PSMD14: variants seen among roughly 807,000 people sequenced by gnomAD.
PSMD14 encodes ubiquitin C-terminal hydrolase PSMD14.
A neutral mutation model predicts 41.2 loss-of-function variants in PSMD14; 7 were observed. The observed-to-expected ratio is 0.17, with a 90% confidence interval of 0.10 to 0.32. The LOEUF is 0.32. PSMD14 is among the 10% of genes least tolerant of loss of function. The pLI is 1.00. For synonymous variants in PSMD14, 114 were observed against 122.3 expected, an observed-to-expected ratio of 0.93 and a Z score of 0.45; for missense variants, 139 against 375.6, an observed-to-expected ratio of 0.37 and a Z score of 5.21.
Position 161,370,066 on chromosome 2 carries a change from A to T in PSMD14, c.241-41A>T, listed in dbSNP as rs997582792. The T allele has an allele frequency of 7.5e-6, 11 of 1,457,268 alleles. No homozygotes were observed. The African/African-American group carries it at 1.6e-4, about 21-fold the overall frequency. 90.3% of individuals were successfully genotyped at this position (1,457,268 alleles called of 1,614,324 possible). On this transcript the variant is annotated intron_variant, in intron 5 of 11. Coordinates refer to ENST00000409682, the MANE Select transcript of PSMD14 (RefSeq NM_005805.6). ...TATACATAGGGAAGCTTTTTTTCCA[A>T]ATTTACAAAAATTAATAATTTTTCT...
intron 3 of PSMD14, among the ~76,000 whole-genome samples, chr2:161,325,359 C>A (rs926814771): frequency 6.6e-6 from 1 of 152,114 alleles, no homozygotes; most frequent in African/African-American, 2.4e-5. Context: ...GTTATAACTC[C>A]CAAATCCTCA....
intron 3 of PSMD14, among the ~76,000 whole-genome samples, chr2:161,337,567 G>A (rs947934231): frequency 5.3e-5 from 8 of 152,198 alleles, no homozygotes; most frequent in Admixed American, 1.3e-4. Flanking sequence ...TTTAGTTTGG[G>A]AGAGTATCAT....
At chr2:161,357,836 G>T (rs537577076) in intron 3 of PSMD14, among the ~76,000 whole-genome samples, 26 of 151,052 alleles carry the variant, frequency 1.7e-4, no homozygotes, top group African/African-American at 5.8e-4. Flanking sequence ...TATTCTAATA[G>T]GTATTATTAA....
chr2:161,319,699 A>G (rs1689182716), intron 3 of PSMD14, among the ~76,000 whole-genome samples: 1 of 152,136 alleles, frequency 6.6e-6, no homozygotes, highest in African/African-American at 2.4e-5. Flanking sequence ...GCTTTCCCAC[A>G]TTTCCTTACT....
intron 7 of PSMD14, chr2:161,384,519 A>T (rs1358288104): frequency 7.9e-6 from 1 of 125,880 alleles, no homozygotes; most frequent in African/African-American, 3.1e-5. Flanking sequence ...TTAATCGTTC[A>T]GCACTTTTAA....
At chr2:161,310,495 A>G (rs1038401934) in intron 1 of PSMD14, among the ~76,000 whole-genome samples, 1 of 152,150 alleles carries the variant, frequency 6.6e-6, no homozygotes, top group African/African-American at 2.4e-5. Context: ...AGTCATTTTG[A>G]CATTTCGTAT....
At chr2:161,379,799 G>C (rs1330309408) in intron 7 of PSMD14, among the ~76,000 whole-genome samples, 2 of 152,072 alleles carry the variant, frequency 1.3e-5, no homozygotes, top group African/African-American at 4.8e-5. Flanking sequence ...ACAGACTGCA[G>C]CTAGTGCTCA....
intron 1 of PSMD14, among the ~76,000 whole-genome samples, chr2:161,309,318 A>G (rs1689061909): frequency 6.6e-6 from 1 of 152,226 alleles, no homozygotes; most frequent in Non-Finnish European, 1.5e-5. Context: ...TTTTGAGTCT[A>G]TAAACCTAGT....
At chr2:161,313,025 G>GT (rs1055042738) in intron 1 of PSMD14, among the ~76,000 whole-genome samples, 97 of 150,672 alleles carry the variant, frequency 6.4e-4, no homozygotes, top group Admixed American at 1.8e-3. Context: ...TGTGTTAAAT[G>GT]TTTTTTTTTG....
intron 3 of PSMD14, among the ~76,000 whole-genome samples, chr2:161,326,069 G>GCA (rs1276879886): frequency 3.3e-5 from 5 of 152,158 alleles, no homozygotes; most frequent in Middle Eastern, 3.4e-3. Context: ...ATGGAGTCTT[G>GCA]CTCTGTCACC....
chr2:161,323,018 G>T (rs988156505), intron 3 of PSMD14, among the ~76,000 whole-genome samples: 6 of 152,070 alleles, frequency 3.9e-5, no homozygotes, highest in Non-Finnish European at 7.4e-5. Context: ...TAAGTCTCCT[G>T]TATCCAAAAA....
intron 3 of PSMD14, among the ~76,000 whole-genome samples, chr2:161,338,955 C>G (rs1682908640): frequency 1.3e-5 from 2 of 152,134 alleles, no homozygotes; most frequent in South Asian, 4.1e-4. Context: ...TTTTGAGATT[C>G]TTCAGAGTGT....
intron 3 of PSMD14, among the ~76,000 whole-genome samples, chr2:161,366,416 ACACAC>A (rs1230644949): frequency 6.6e-6 from 1 of 151,900 alleles, no homozygotes; most frequent in African/African-American, 2.4e-5. Flanking sequence ...ACACACACAC[ACACAC>A]AAAAGCACAA....
chr2:161,353,934 G>A (rs1439125217), intron 3 of PSMD14, among the ~76,000 whole-genome samples: 1 of 152,092 alleles, frequency 6.6e-6, no homozygotes, highest in African/African-American at 2.4e-5. Context: ...AATTATGGGT[G>A]CTTCCCAAAA....
intron 3 of PSMD14, among the ~76,000 whole-genome samples, chr2:161,334,120 G>C (rs1375734078): frequency 6.6e-6 from 1 of 152,142 alleles, no homozygotes; most frequent in East Asian, 1.9e-4. Flanking sequence ...ATCATCTGAG[G>C]TTGGGGGTTC....
chr2:161,327,721 C>T (rs960950508), intron 3 of PSMD14, among the ~76,000 whole-genome samples: 2 of 151,988 alleles, frequency 1.3e-5, no homozygotes, highest in South Asian at 4.1e-4. Context: ...TGCAACACCA[C>T]GTAGTTCATT....
chr2:161,336,777 T>C (rs1340303111), intron 3 of PSMD14, among the ~76,000 whole-genome samples: 1 of 152,176 alleles, frequency 6.6e-6, no homozygotes, highest in Non-Finnish European at 1.5e-5. Flanking sequence ...AGTTTCACCA[T>C]GTTGGCCAGT....
intron 3 of PSMD14, among the ~76,000 whole-genome samples, chr2:161,327,357 A>T (rs1032715262): frequency 2.0e-5 from 3 of 152,170 alleles, no homozygotes; most frequent in Admixed American, 2.0e-4. Flanking sequence ...TGTTACTTAA[A>T]AACAGTTAAA....
At chr2:161,368,326 G>A (rs552590144) in intron 5 of PSMD14, among the ~76,000 whole-genome samples, 2 of 151,986 alleles carry the variant, frequency 1.3e-5, no homozygotes, top group Non-Finnish European at 2.9e-5. Context: ...TTTAAAAAAT[G>A]TTCTATATAT....
Sources: gnomAD v4.1 joint callset for allele counts (sites outside exome capture counted in the v4.1 genomes callset) on GRCh38, gnomAD v4.1.1 for gene constraint, MANE v1.5 for transcripts, NCBI Gene and HGNC (gene_info 2026-07-23, HGNC 2026-07-21) for gene names.